The following PIK3R3 variants were observed in gnomAD, a reference collection of about 807,000 sequenced individuals.
PIK3R3 encodes the protein phosphatidylinositol 3-kinase regulatory subunit gamma.
Under a neutral mutation model 62.9 loss-of-function variants are expected in PIK3R3, and 64 were observed. The ratio of observed to expected loss-of-function variants is 1.02; its 90% CI spans 0.83 to 1.25. The LOEUF (loss-of-function observed/expected upper bound fraction) is 1.25, where lower values mean the gene tolerates loss of function less well. Among genes scored for constraint, PIK3R3 ranks in the 50% most tolerant of loss-of-function variants. The probability of loss-of-function intolerance (pLI) is 0.00; values close to 1 mark genes in which losing one functional copy is unlikely to be tolerated. For missense variants in PIK3R3, 614 were observed against 561.6 expected, an observed-to-expected ratio of 1.09 and a Z score of -0.94; for synonymous variants, 165 against 189.0, an observed-to-expected ratio of 0.87 and a Z score of 1.04.
intron 7 of PIK3R3, among the ~76,000 whole-genome samples, chr1:46,050,091 A>G (rs1402080741): frequency 6.7e-6 from 1 of 148,818 alleles, no homozygotes; most frequent in Non-Finnish European, 1.5e-5. Context: ...ATTGCACTCC[A>G]GCTTGGGCAA....
At chr1:46,088,912 G>A (rs1161585292) in intron 1 of PIK3R3, among the ~76,000 whole-genome samples, 2 of 149,308 alleles carry the variant, frequency 1.3e-5, no homozygotes, top group African/African-American at 4.9e-5. Flanking sequence ...AAGGACTAAA[G>A]AATGTCTTTG....
intron 3 of PIK3R3, among the ~76,000 whole-genome samples, chr1:46,073,342 G>C (rs988687496): frequency 6.6e-6 from 1 of 152,102 alleles, no homozygotes; most frequent in African/African-American, 2.4e-5. Flanking sequence ...TCCATTTTAA[G>C]GTCCGGCCTA....
intron 3 of PIK3R3, among the ~76,000 whole-genome samples, chr1:46,073,705 C>T (rs1327322199): frequency 6.6e-6 from 1 of 151,998 alleles, no homozygotes; most frequent in East Asian, 1.9e-4. Flanking sequence ...CTGCAACCTC[C>T]ACCTCCCAGG....
chr1:46,129,401 T>TTTTA (rs201511245), intron 1 of PIK3R3, among the ~76,000 whole-genome samples: 7,072 of 131,406 alleles, frequency 0.054, 199 homozygotes, highest in Middle Eastern at 0.1. Context: ...AATTGGGGGA[T>TTTTA]TTTATTTATT....
upstream of PIK3R3, among the ~76,000 whole-genome samples, chr1:46,135,378 A>C (rs1655892148): frequency 6.6e-6 from 1 of 152,128 alleles, no homozygotes; most frequent in Admixed American, 6.5e-5. Context: ...GTAAATCATG[A>C]AATCTGCTTT....
upstream of PIK3R3, among the ~76,000 whole-genome samples, chr1:46,135,786 C>T (rs1047074694): frequency 2.0e-5 from 3 of 151,972 alleles, no homozygotes; most frequent in East Asian, 5.8e-4. Context: ...AATCCCAGCA[C>T]TTTGGGAGGC....
intron 1 of PIK3R3, among the ~76,000 whole-genome samples, chr1:46,101,980 CTTTTTTT>C (rs538688681): frequency 2.2e-5 from 2 of 89,930 alleles, no homozygotes; most frequent in East Asian, 3.5e-4. Flanking sequence ...GAATTGTATA[CTTTTTTT>C]TTTTTTTTTT....
At chr1:46,084,516 A>C (rs1175548114) in intron 1 of PIK3R3, among the ~76,000 whole-genome samples, 1 of 152,220 alleles carries the variant, frequency 6.6e-6, no homozygotes, top group Non-Finnish European at 1.5e-5. Flanking sequence ...AAAGTAGCTA[A>C]ATAACCATCT....
At chr1:46,133,625 C>T (rs182924487), upstream of PIK3R3, among the ~76,000 whole-genome samples, 1 of 152,314 alleles carries the variant, frequency 6.6e-6, no homozygotes, top group East Asian at 1.9e-4. Flanking sequence ...CCCCTGCAAC[C>T]TTCCTGGCTG....
At chr1:46,168,226 G>A in the PIK3R3 span, among the ~76,000 whole-genome samples, 1 of 151,922 alleles carries the variant, frequency 6.6e-6, no homozygotes, top group South Asian at 2.1e-4. Context: ...CCTCTAGGAG[G>A]TCTGTGTCCC....
chr1:46,096,824 G>C (rs982396480), intron 1 of PIK3R3, among the ~76,000 whole-genome samples: 1 of 147,332 alleles, frequency 6.8e-6, no homozygotes, highest in African/African-American at 2.5e-5. Flanking sequence ...CTGGGCAACA[G>C]AGCGAGACTC....
the PIK3R3 span, among the ~76,000 whole-genome samples, chr1:46,140,539 A>G: frequency 6.6e-6 from 1 of 152,246 alleles, no homozygotes; most frequent in East Asian, 1.9e-4. Flanking sequence ...ATCATCCTGG[A>G]TTTAAGGTGG....
chr1:46,055,077 T>C (rs1370314922), intron 7 of PIK3R3, among the ~76,000 whole-genome samples: 1 of 150,680 alleles, frequency 6.6e-6, no homozygotes, highest in East Asian at 1.9e-4. Context: ...TAATTTTTTG[T>C]ATTTTTAGTA....
chr1:46,120,989 T>C (rs1184994438), intron 1 of PIK3R3, among the ~76,000 whole-genome samples: 5 of 152,214 alleles, frequency 3.3e-5, no homozygotes, highest in Non-Finnish European at 2.9e-5. Context: ...ATGGATATGA[T>C]ATGATGCCTG....
At chr1:46,172,226 G>A in the PIK3R3 span, among the ~76,000 whole-genome samples, 1 of 152,144 alleles carries the variant, frequency 6.6e-6, no homozygotes, top group African/African-American at 2.4e-5. Context: ...CCCAGGCACT[G>A]TGAGGTGTGG....
the PIK3R3 span, among the ~76,000 whole-genome samples, chr1:46,144,678 G>A: frequency 4.9e-4 from 73 of 149,068 alleles, 1 homozygote; most frequent in South Asian, 0.016. Context: ...TGAGGCAGGA[G>A]AATCACTTGA....
the PIK3R3 span, among the ~76,000 whole-genome samples, chr1:46,153,087 G>T: frequency 6.6e-6 from 1 of 152,016 alleles, no homozygotes; most frequent in Non-Finnish European, 1.5e-5. Context: ...CTTCATCCTT[G>T]CCCTAAATAT....
At chr1:46,099,770 C>T (rs1652480848) in intron 1 of PIK3R3, among the ~76,000 whole-genome samples, 1 of 152,154 alleles carries the variant, frequency 6.6e-6, no homozygotes, top group Non-Finnish European at 1.5e-5. Flanking sequence ...AGGGTATACA[C>T]TTTACTAGAT....
At chr1:46,117,586 A>G (rs1323076841) in intron 1 of PIK3R3, among the ~76,000 whole-genome samples, 2 of 152,186 alleles carry the variant, frequency 1.3e-5, no homozygotes, top group Non-Finnish European at 2.9e-5. Context: ...AACACTTCAA[A>G]AAAGAGAAAA....
Sources: gnomAD v4.1 joint callset for allele counts (sites outside exome capture counted in the v4.1 genomes callset) on GRCh38, gnomAD v4.1.1 for gene constraint, MANE v1.5 for transcripts, NCBI Gene and HGNC (gene_info 2026-07-23, HGNC 2026-07-21) for gene names.